Variants in LOXHD1 observed in about 807,000 individuals in gnomAD.
The protein encoded by LOXHD1 is lipoxygenase homology domain-containing protein 1.
LOXHD1 carries 205 observed loss-of-function variants against 248.2 expected under a neutral mutation model. The observed-to-expected ratio is 0.83, with a 90% CI of 0.74 to 0.93. LOXHD1 has a LOEUF of 0.93. LOXHD1 is among the 40% of genes least tolerant of loss of function. LOXHD1 has a pLI of 0.00. For synonymous variants in LOXHD1, 1,113 were observed against 1,162.8 expected, an observed-to-expected ratio of 0.96 and a Z score of 0.87; for missense variants, 2,930 against 2,971.6, an observed-to-expected ratio of 0.99 and a Z score of 0.33.
intron 2 of LOXHD1, among the ~76,000 whole-genome samples, chr18:46,648,630 C>T (rs867390090): frequency 2.0e-5 from 3 of 152,192 alleles, no homozygotes; most frequent in Admixed American, 6.5e-5. Flanking sequence ...CCAACTCTCA[C>T]TAGTTATAAT....
In LOXHD1 at chr18:46,560,051, C is replaced by T. The variant is rs771752686; in HGVS notation, c.3061+32G>A. The T allele has an allele frequency of 3.0e-4, 399 of 1,310,698 alleles. 5 individuals carry two copies. Among genetic ancestry groups the T allele is most frequent in the Middle Eastern group, 1.9e-4 (1 of 5,160 alleles). 81.2% of individuals were successfully genotyped at this position (1,310,698 alleles called of 1,614,324 possible). ...TTTAGGGGAACTGTCTGGCCACTCC[C>T]TCCCCACCCCCACCCCCCACGACCC... is the stretch of plus-strand genomic sequence containing the variant. On this transcript the variant is annotated intron_variant, in intron 19 of 40. Transcript: ENST00000642948.
chr18:46,504,396 GC>G (rs1446309384), intron 37 of LOXHD1, among the ~76,000 whole-genome samples: 1 of 152,166 alleles, frequency 6.6e-6, no homozygotes, highest in Non-Finnish European at 1.5e-5. Flanking sequence ...GTGAGCCACA[GC>G]CCCTGGCCTC....
intron 14 of LOXHD1, among the ~76,000 whole-genome samples, chr18:46,574,615 T>TAAA (rs534992278): frequency 2.4e-5 from 3 of 122,990 alleles, no homozygotes; most frequent in African/African-American, 3.0e-5. Flanking sequence ...ACCCATTTTC[T>TAAA]AAAAAAAAAA....
rs1054446724 is a variant in LOXHD1, at chr18:46,534,470, G to A, written c.4096-19C>T. ...CTTCTAACTTTGGAAAGGAGATAAG[G>A]CACTGAATGTTAGCTGAAAGATCCA... On this transcript the variant is annotated intron_variant, in intron 26 of 40. Coordinates refer to ENST00000642948, the MANE Select transcript of LOXHD1 (RefSeq NM_001384474.1). 1 of 1,525,598 alleles carries A rather than the reference G, an allele frequency of 6.6e-7. No individual in the cohort carries two copies. The highest frequency in any genetic ancestry group is 1.4e-5 in the African/African-American group (1 of 72,480). The allele number at this position is 1,525,598 out of a possible 1,614,324, so 94.5% of individuals were successfully genotyped here.
intron 25 of LOXHD1, among the ~76,000 whole-genome samples, chr18:46,540,871 T>G (rs544025384): frequency 9.9e-5 from 15 of 152,266 alleles, no homozygotes; most frequent in African/African-American, 3.4e-4. Context: ...TCACTTCATT[T>G]TAGACTTTGG....
intron 18 of LOXHD1, among the ~76,000 whole-genome samples, 153 bp downstream of exon 18, chr18:46,562,912 T>C (rs970429427): frequency 4.6e-5 from 7 of 152,012 alleles, no homozygotes; most frequent in Non-Finnish European, 8.8e-5. Flanking sequence ...GGCCGAAAGC[T>C]CAGGTCTGGA....
chr18:46,600,130 G>A (rs2038312393), intron 8 of LOXHD1, among the ~76,000 whole-genome samples: 1 of 152,126 alleles, frequency 6.6e-6, no homozygotes, highest in South Asian at 2.1e-4. Flanking sequence ...CTTCATGGCA[G>A]GATTGCTCAT....
intron 26 of LOXHD1, among the ~76,000 whole-genome samples, 192 bp downstream of exon 26, chr18:46,537,964 C>A (rs1456979055): frequency 4.6e-5 from 7 of 152,244 alleles, no homozygotes; most frequent in Non-Finnish European, 1.0e-4. Flanking sequence ...CCAGGAGGAG[C>A]AGGGTGAGCT....
intron 39 of LOXHD1, among the ~76,000 whole-genome samples, chr18:46,483,993 T>C (rs1309727867): frequency 6.6e-6 from 1 of 151,720 alleles, no homozygotes; most frequent in South Asian, 2.1e-4. Context: ...TTATGCAGGA[T>C]GGAGATGGGG....
chr18:46,548,217 CTCT>C, intron 21 of LOXHD1, among the ~76,000 whole-genome samples: 1 of 103,578 alleles, frequency 9.7e-6, no homozygotes, highest in African/African-American at 4.2e-5. Context: ...TTCAGCCTGT[CTCT>C]AAGTTGGGGC....
chr18:46,524,406 T>C, intron 31 of LOXHD1, 60 bp downstream of exon 31: 2 of 1,524,718 alleles, frequency 1.3e-6, no homozygotes, highest in South Asian at 2.5e-5. Flanking sequence ...CATCCAAGAA[T>C]TGCTTTAAAA....
rs764897088 is a variant in LOXHD1, at chr18:46,483,630, G to T, written c.6298C>A (p.His2100Asn). 7.1e-6 allele frequency: 11 copies of T among 1,551,566 alleles called. No individual in the cohort carries two copies. Among genetic ancestry groups the T allele is most frequent in the Non-Finnish European group, 9.6e-6 (11 of 1,146,970 alleles). The change falls in exon 40 of 41, where the codon CAT becomes AAT. Residue 2100 changes from histidine (H) to asparagine (N), a missense_variant. His to Asn is a moderately conservative substitution (Grantham distance 68). Transcript: ENST00000642948. ...TCGGTGATGGTGATGGTCTTGACAT[G>T]CCAGGCAAGTTCTCTCTTGGGGATA... is the stretch of plus-strand genomic sequence containing the variant. ...RFIPKRELAW[H>N]VKTITITEME...
chr18:46,531,571 A>G (rs1357704897), intron 28 of LOXHD1, among the ~76,000 whole-genome samples: 1 of 141,634 alleles, frequency 7.1e-6, no homozygotes, highest in African/African-American at 2.7e-5. Flanking sequence ...TGGCCTCCTC[A>G]CTCCCCCTTT....
chr18:46,610,356 C>T (rs978455167), intron 6 of LOXHD1, among the ~76,000 whole-genome samples: 1 of 149,796 alleles, frequency 6.7e-6, no homozygotes, highest in African/African-American at 2.5e-5. Context: ...ACAATGAGAA[C>T]ACTTGGACAC....
intron 34 of LOXHD1, among the ~76,000 whole-genome samples, chr18:46,515,723 G>C (rs1181079458): frequency 6.6e-6 from 1 of 152,156 alleles, no homozygotes. Flanking sequence ...AAGACTATAG[G>C]AGACTGAATA....
At chr18:46,519,082 G>C (rs2035428518) in intron 33 of LOXHD1, 1 of 985,416 alleles carries the variant, frequency 1.0e-6, no homozygotes. Context: ...TCCTCTGTGA[G>C]GCAGCCTCGT....
At chr18:46,511,696 G>A (rs1315551741) in intron 34 of LOXHD1, among the ~76,000 whole-genome samples, 2 of 152,192 alleles carry the variant, frequency 1.3e-5, no homozygotes. Context: ...GACCCTGGGA[G>A]AGGGCTGGCC....
chr18:46,565,929 C>T (rs1010761529), intron 17 of LOXHD1, among the ~76,000 whole-genome samples: 1 of 152,122 alleles, frequency 6.6e-6, no homozygotes. Flanking sequence ...TCTCCTCAGC[C>T]AGTCTTCATC....
intron 12 of LOXHD1, among the ~76,000 whole-genome samples, chr18:46,591,118 C>T (rs1351071083): frequency 3.3e-5 from 5 of 152,096 alleles, no homozygotes; most frequent in African/African-American, 7.3e-5. Flanking sequence ...AATGAGATTA[C>T]GGAGATATTT....
Sources: allele counts gnomAD v4.1 joint callset (sites outside exome capture counted in the v4.1 genomes callset), GRCh38; gene constraint gnomAD v4.1.1; transcripts MANE v1.5; gene names NCBI Gene and HGNC (gene_info 2026-07-23, HGNC 2026-07-21).